DDX31: variants seen among roughly 807,000 people sequenced by gnomAD.
DDX31 encodes the protein DEAD-box helicase 31, also known as ATP-dependent DNA helicase DDX31.
A neutral mutation model predicts 91.3 loss-of-function variants in DDX31; 70 were observed. That is an observed-to-expected ratio of 0.77 (90% confidence interval 0.63 to 0.94). The LOEUF (loss-of-function observed/expected upper bound fraction) is 0.94. Among genes scored for constraint, DDX31 ranks in the 40% least tolerant of loss-of-function variants. The pLI is 0.00. For synonymous variants in DDX31, 362 were observed against 350.6 expected (o/e 1.03, Z -0.36); for missense variants, 902 against 925.0 (o/e 0.98, Z 0.32).
intron 7 of DDX31, among the ~76,000 whole-genome samples, 189 bp from the exon 8 acceptor site, chr9:132,651,305 G>A (rs185510418): frequency 6.6e-6 from 1 of 152,276 alleles, no homozygotes; most frequent in East Asian, 1.9e-4. Flanking sequence ...TTTGGGCAAA[G>A]AGGGTAAAGA....
rs756464700 is a variant in DDX31, at chr9:132,642,067, C to A, written c.1381-4G>T. The A allele has an allele frequency of 9.9e-6, 16 of 1,613,914 alleles. No individual in the cohort carries two copies. The African/African-American group carries it at 1.5e-4, about 15-fold the overall frequency. On this transcript the variant is annotated splice_polypyrimidine_tract_variant and splice_region_variant and intron_variant, in intron 13 of 19. Coordinates refer to ENST00000372159, the MANE Select transcript of DDX31 (RefSeq NM_022779.9). The stretch of plus-strand genomic sequence containing the variant: ...CCTGAAACACTGCTGTTCTTTCCTA[C>A]AAAAACAAGGAAAAATAGAGCCTTA...
In DDX31 at chr9:132,669,520, AGAG is replaced by A. The variant is rs1224168585; in HGVS notation, c.75+337_75+339del. ...CGCACTCAGTCGAGGAAACTGGCTT[AGAG>A]AAGTTAAGCTTTGGCCTGGGACTTG... On this transcript the variant is annotated intron_variant, in intron 1 of 19. Coordinates refer to ENST00000372159, the MANE Select transcript of DDX31 (RefSeq NM_022779.9). 7 of 1,336,818 alleles carry A rather than the reference AGAG, an allele frequency of 5.2e-6. No homozygotes were observed. The Admixed American group carries it at 8.7e-5, about 17-fold the overall frequency. 82.8% of individuals were successfully genotyped at this position (1,336,818 alleles called of 1,614,324 possible).
Position 132,641,997 on chromosome 9 carries a change from T to C in DDX31, c.1440+7A>G, listed in dbSNP as rs772392076. 1 of 1,613,234 alleles carries C rather than the reference T, an allele frequency of 6.2e-7. No individual in the cohort carries two copies. Reference sequence around the variant, plus strand: ...AGCCTTCACATGGAACACAGGAGGATACGTACCGTGCAAAGAAGGACGCCT... The same window carrying C: ...AGCCTTCACATGGAACACAGGAGGACACGTACCGTGCAAAGAAGGACGCCT... On this transcript the variant is annotated splice_region_variant and intron_variant, in intron 14 of 19. Transcript: ENST00000372159.
intron 9 of DDX31, 116 bp downstream of exon 9, chr9:132,650,118 C>T (rs1834089207): frequency 1.0e-6 from 1 of 989,382 alleles, no homozygotes; most frequent in Non-Finnish European, 1.6e-6. Flanking sequence ...TGCACCGGGA[C>T]TAGGAAGCAG....
At chr9:132,618,185 C>T (rs1241306699) in intron 18 of DDX31, 145 bp downstream of exon 18, 4 of 552,540 alleles carry the variant, frequency 7.2e-6, no homozygotes, top group Non-Finnish European at 1.2e-5. Context: ...CCAAACCCTG[C>T]AGAATTATGG....
chr9:132,639,642 G>T (rs1391061525), intron 14 of DDX31, among the ~76,000 whole-genome samples: 1 of 152,174 alleles, frequency 6.6e-6, no homozygotes, highest in African/African-American at 2.4e-5. Context: ...ATTTCAGAAA[G>T]AATAATCTTT....
At chr9:132,654,803 G>A (rs551170422) in intron 6 of DDX31, among the ~76,000 whole-genome samples, 3 of 150,986 alleles carry the variant, frequency 2.0e-5, no homozygotes, top group South Asian at 4.2e-4. Flanking sequence ...AAAATTAGGC[G>A]GGCGTGGTGG....
At position 132,593,097 on chromosome 9, in the gene DDX31, G is replaced by A. The variant is rs143134684; in HGVS notation, c.*1769C>T. ...TCTTTATTAACTGGGGTAATATAGT[G>A]ATTCTACTTAGAAACAGACCCACAT... On this transcript the variant is annotated 3_prime_UTR_variant, in exon 20 of 20. Coordinates refer to ENST00000372159, the MANE Select transcript of DDX31 (RefSeq NM_022779.9). The A allele has an allele frequency of 6.6e-6, 1 of 152,168 alleles. No individual in the cohort carries two copies. Among genetic ancestry groups the A allele is most frequent in the Non-Finnish European group, 1.5e-5 (1 of 68,036 alleles). The allele number at this position is 152,168 out of a possible 1,614,324, so 9.4% of individuals were successfully genotyped here.
Position 132,648,315 on chromosome 9 carries a change from A to C in DDX31, c.861-20T>G. 6.2e-7 allele frequency: 1 copy of C among 1,603,832 alleles called. No individual in the cohort carries two copies. Among genetic ancestry groups the C allele is most frequent in the South Asian group, 1.1e-5 (1 of 88,726 alleles). On this transcript the variant is annotated intron_variant, in intron 10 of 19. Coordinates refer to ENST00000372159, the MANE Select transcript of DDX31 (RefSeq NM_022779.9). ...AAGATTCTGTGATTGTAAAAAAAAA[A>C]AGAAATTTTCAACTATATGAAGAGC...
chr9:132,658,255 A>G, intron 6 of DDX31: 1 of 702,778 alleles, frequency 1.4e-6, no homozygotes, highest in Non-Finnish European at 2.6e-6. Context: ...GCCAAACAGA[A>G]CTGAGGTAGA....
chr9:132,665,710 A>G (rs1835261061), intron 1 of DDX31, among the ~76,000 whole-genome samples: 1 of 152,224 alleles, frequency 6.6e-6, no homozygotes, highest in South Asian at 2.1e-4. Context: ...GCCCATCAAG[A>G]CCTGAGAGTC....
intron 17 of DDX31, among the ~76,000 whole-genome samples, chr9:132,622,492 T>C (rs1832096079): frequency 6.6e-6 from 1 of 152,224 alleles, no homozygotes; most frequent in South Asian, 2.1e-4. Context: ...GGACGTGTCC[T>C]TCAGGAGAGG....
chr9:132,620,514 T>A (rs1831959441), intron 17 of DDX31, among the ~76,000 whole-genome samples: 1 of 150,746 alleles, frequency 6.6e-6, no homozygotes, highest in African/African-American at 2.4e-5. Context: ...GGTTCACAGG[T>A]TTGAAATGAT....
intron 19 of DDX31, among the ~76,000 whole-genome samples, chr9:132,601,954 G>A (rs1262047672): frequency 3.9e-5 from 6 of 152,210 alleles, no homozygotes; most frequent in Non-Finnish European, 1.5e-5. Context: ...GCTGACTAGT[G>A]TTATTATTAA....
At chr9:132,657,586 T>C (rs561662461) in intron 6 of DDX31, among the ~76,000 whole-genome samples, 1 of 152,370 alleles carries the variant, frequency 6.6e-6, no homozygotes, top group East Asian at 1.9e-4. Context: ...AATGCAACAC[T>C]ATTATTGTCA....
At chr9:132,619,419 C>T (rs1308000026) in intron 17 of DDX31, among the ~76,000 whole-genome samples, 1 of 152,030 alleles carries the variant, frequency 6.6e-6, no homozygotes, top group Non-Finnish European at 1.5e-5. Context: ...AGAGTGAGAC[C>T]GGGTCGTGCT....
Position 132,646,079 on chromosome 9 carries a change from G to A in DDX31, c.1204-8C>T, listed in dbSNP as rs867827460. On this transcript the variant is annotated splice_region_variant and splice_polypyrimidine_tract_variant and intron_variant, in intron 12 of 19. Transcript: ENST00000372159. Reference sequence around the variant, plus strand: ...CTTCTGGTCTTCCTCAAACTACATCGATACAAAGGGAGGAAAAACCGACAT... The same window carrying A: ...CTTCTGGTCTTCCTCAAACTACATCAATACAAAGGGAGGAAAAACCGACAT... The A allele has an allele frequency of 5.6e-6, 9 of 1,606,826 alleles. No individual in the cohort carries two copies. The highest frequency in any genetic ancestry group is 1.7e-5 in the Admixed American group (1 of 59,106).
At chr9:132,646,500 C>T (rs1018346560) in intron 12 of DDX31, among the ~76,000 whole-genome samples, 2 of 152,154 alleles carry the variant, frequency 1.3e-5, no homozygotes, top group African/African-American at 2.4e-5. Context: ...AATGCCAAGA[C>T]TCTTGGAGAA....
chr9:132,611,365 G>A (rs1000739006), intron 19 of DDX31, among the ~76,000 whole-genome samples: 28 of 152,142 alleles, frequency 1.8e-4, no homozygotes, highest in African/African-American at 6.3e-4. Flanking sequence ...GGCCTCACGC[G>A]CTCTGGCTCC....
Sources: allele counts gnomAD v4.1 joint callset (sites outside exome capture counted in the v4.1 genomes callset), GRCh38; gene constraint gnomAD v4.1.1; transcripts MANE v1.5; gene names NCBI Gene and HGNC (gene_info 2026-07-23, HGNC 2026-07-21).